The following GRIK1 variants were observed in gnomAD, a reference collection of about 807,000 sequenced individuals.
GRIK1 encodes the protein glutamate receptor ionotropic, kainate 1.
A neutral mutation model predicts 105.7 loss-of-function variants in GRIK1; 69 were observed. The observed-to-expected ratio is 0.65, with a 90% CI of 0.54 to 0.80. GRIK1 has a LOEUF of 0.80. Among genes scored for constraint, GRIK1 ranks in the 30% least tolerant of loss-of-function variants. The pLI is 0.00. For synonymous variants in GRIK1, 438 were observed against 431.3 expected, an observed-to-expected ratio of 1.02 and a Z score of -0.19; for missense variants, 1,109 against 1,167.3, an observed-to-expected ratio of 0.95 and a Z score of 0.73.
chr21:29,657,098 A>G (rs376413511), intron 4 of GRIK1, among the ~76,000 whole-genome samples: 3 of 152,232 alleles, frequency 2.0e-5, no homozygotes, highest in East Asian at 1.9e-4. Flanking sequence ...AGGGTCAGTC[A>G]GAAATCCTAT....
At chr21:29,808,491 A>G (rs936419730) in intron 1 of GRIK1, among the ~76,000 whole-genome samples, 25 of 152,178 alleles carry the variant, frequency 1.6e-4, no homozygotes, top group African/African-American at 5.5e-4. Flanking sequence ...CCAATCTGAT[A>G]TGCTATATAT....
chr21:29,591,330 G>A, intron 9 of GRIK1, 105 bp from the exon 10 acceptor site: 1 of 758,574 alleles, frequency 1.3e-6, no homozygotes, highest in East Asian at 2.5e-5. Context: ...CTCACAGTTT[G>A]GGACACTGGG....
intron 16 of GRIK1, among the ~76,000 whole-genome samples, chr21:29,544,166 A>G (rs180859242): frequency 6.6e-6 from 1 of 152,314 alleles, no homozygotes; most frequent in East Asian, 1.9e-4. Context: ...GGGTTACTCC[A>G]TGACATCAGA....
chr21:29,548,389 G>GATTT (rs1479096674), intron 16 of GRIK1, among the ~76,000 whole-genome samples: 9 of 152,194 alleles, frequency 5.9e-5, no homozygotes, highest in Non-Finnish European at 1.0e-4. Flanking sequence ...AAGCAAAAAT[G>GATTT]ATTTTAAAAT....
chr21:29,884,442 G>A (rs148555946), intron 1 of GRIK1, among the ~76,000 whole-genome samples: 7 of 151,998 alleles, frequency 4.6e-5, no homozygotes, highest in African/African-American at 1.2e-4. Context: ...GAGGACTTTC[G>A]TCCCTCTACT....
intron 1 of GRIK1, among the ~76,000 whole-genome samples, chr21:29,839,450 T>C (rs1057374747): frequency 6.6e-6 from 1 of 152,290 alleles, no homozygotes; most frequent in African/African-American, 2.4e-5. Context: ...AATTAGAATA[T>C]AAAATTTTTG....
intron 1 of GRIK1, among the ~76,000 whole-genome samples, chr21:29,910,284 A>G (rs1352778914): frequency 6.6e-6 from 1 of 152,158 alleles, no homozygotes; most frequent in Non-Finnish European, 1.5e-5. Context: ...CTTCCATGAC[A>G]TGTAATAAAC....
intron 12 of GRIK1, among the ~76,000 whole-genome samples, chr21:29,585,908 T>A (rs2091120554): frequency 6.6e-6 from 1 of 152,140 alleles, no homozygotes; most frequent in Non-Finnish European, 1.5e-5. Flanking sequence ...CATTTTGGAG[T>A]GAATAATTCT....
At chr21:29,790,233 G>A (rs1181945919) in intron 1 of GRIK1, among the ~76,000 whole-genome samples, 2 of 152,082 alleles carry the variant, frequency 1.3e-5, no homozygotes, top group African/African-American at 4.8e-5. Flanking sequence ...ATTTTTGGTA[G>A]AGACGGGGTT....
At chr21:29,817,277 T>TAAAAGAA (rs1569126219) in intron 1 of GRIK1, among the ~76,000 whole-genome samples, 2 of 151,978 alleles carry the variant, frequency 1.3e-5, no homozygotes, top group East Asian at 3.9e-4. Flanking sequence ...AAACTACTCA[T>TAAAAGAA]AAAAGAAAAA....
chr21:29,760,785 T>TA, intron 1 of GRIK1, among the ~76,000 whole-genome samples: 1 of 152,202 alleles, frequency 6.6e-6, no homozygotes, highest in Non-Finnish European at 1.5e-5. Flanking sequence ...AAGCTGTAGA[T>TA]ATAAGCACAG....
intron 7 of GRIK1, among the ~76,000 whole-genome samples, chr21:29,632,709 C>T (rs1177270531): frequency 6.6e-6 from 1 of 152,068 alleles, no homozygotes; most frequent in Non-Finnish European, 1.5e-5. Context: ...GGGGTAGAAC[C>T]AGGACATTAG....
At chr21:29,640,437 C>A (rs2062488578) in intron 7 of GRIK1, among the ~76,000 whole-genome samples, 3 of 152,134 alleles carry the variant, frequency 2.0e-5, no homozygotes, top group South Asian at 4.1e-4. Flanking sequence ...ACTCAGGAGA[C>A]AAAAGAGGAT....
chr21:29,754,451 G>A (rs2065283987), intron 1 of GRIK1, among the ~76,000 whole-genome samples: 1 of 152,160 alleles, frequency 6.6e-6, no homozygotes, highest in Non-Finnish European at 1.5e-5. Flanking sequence ...TTCAAATCCT[G>A]GTTCCTACTA....
intron 1 of GRIK1, among the ~76,000 whole-genome samples, chr21:29,738,709 T>G (rs2064855679): frequency 6.6e-6 from 1 of 152,212 alleles, no homozygotes; most frequent in Non-Finnish European, 1.5e-5. Flanking sequence ...GGTGATTATT[T>G]TTAATGCATC....
intron 1 of GRIK1, among the ~76,000 whole-genome samples, chr21:29,857,659 A>C (rs2068504569): frequency 6.6e-6 from 1 of 152,212 alleles, no homozygotes; most frequent in African/African-American, 2.4e-5. Flanking sequence ...CTTTACATGG[A>C]AAACTTAACA....
chr21:29,840,565 C>A (rs970193867), intron 1 of GRIK1, among the ~76,000 whole-genome samples: 1 of 152,098 alleles, frequency 6.6e-6, no homozygotes, highest in South Asian at 2.1e-4. Flanking sequence ...CTTGAGAAAT[C>A]AATACTTAAC....
At chr21:29,674,152 T>G (rs1320048787) in intron 3 of GRIK1, among the ~76,000 whole-genome samples, 2 of 151,996 alleles carry the variant, frequency 1.3e-5, no homozygotes, top group Non-Finnish European at 2.9e-5. Flanking sequence ...AATATTAAGT[T>G]TCATGAGTAT....
At chr21:29,671,999 A>G (rs2063168493) in intron 4 of GRIK1, among the ~76,000 whole-genome samples, 1 of 152,134 alleles carries the variant, frequency 6.6e-6, no homozygotes, top group Non-Finnish European at 1.5e-5. Flanking sequence ...TCCAGAGGGC[A>G]AAATCACTCT....
Sources: gnomAD v4.1 joint callset for allele counts (sites outside exome capture counted in the v4.1 genomes callset) on GRCh38, gnomAD v4.1.1 for gene constraint, MANE v1.5 for transcripts, NCBI Gene and HGNC (gene_info 2026-07-23, HGNC 2026-07-21) for gene names.